Variants in LRRFIP1 observed in about 807,000 individuals in gnomAD.
The protein encoded by LRRFIP1 is leucine-rich repeat flightless-interacting protein 1.
A neutral mutation model predicts 104.4 loss-of-function variants in LRRFIP1; 62 were observed. The ratio of observed to expected loss-of-function variants is 0.59; its 90% confidence interval spans 0.48 to 0.73. The LOEUF (loss-of-function observed/expected upper bound fraction) is 0.73. LRRFIP1 is among the 30% of genes least tolerant of loss of function. LRRFIP1 has a pLI of 0.00. For synonymous variants in LRRFIP1, 300 were observed against 299.0 expected (o/e 1.00, Z -0.03); for missense variants, 796 against 824.5 (o/e 0.97, Z 0.42).
At chr2:237,750,933 G>A (rs748820782) in intron 13 of LRRFIP1, among the ~76,000 whole-genome samples, 5 of 152,098 alleles carry the variant, frequency 3.3e-5, no homozygotes, top group Non-Finnish European at 5.9e-5. Context: ...ACCGTTTTCC[G>A]AGGCTCTATT....
intron 1 of LRRFIP1, among the ~76,000 whole-genome samples, chr2:237,634,376 T>C (rs2082802186): frequency 6.6e-6 from 1 of 152,196 alleles, no homozygotes; most frequent in Admixed American, 6.5e-5. Context: ...CATTGTAGTG[T>C]GGGGCTAAAT....
chr2:237,687,116 G>A (rs1033543545), intron 1 of LRRFIP1, among the ~76,000 whole-genome samples: 2 of 152,240 alleles, frequency 1.3e-5, no homozygotes, highest in African/African-American at 2.4e-5. Context: ...ATCATGATGT[G>A]CTAAGGGCTG....
rs569176047 is a variant in LRRFIP1 at position 237,692,991 on chromosome 2, C to G, written c.97-15553C>G. 3.5e-3 allele frequency among the ~76,000 whole-genome samples: 529 copies of G among 152,272 alleles called. 2 individuals are homozygous for G. Among genetic ancestry groups the G allele is most frequent in the Non-Finnish European group, 5.3e-3 (360 of 68,008 alleles). On this transcript the variant is annotated intron_variant, in intron 1 of 23. Coordinates refer to ENST00000308482, the MANE Select transcript of LRRFIP1 (RefSeq NM_001137550.2). ...CTCAGCACCTGGGGACCACCTCCGCCGAGGACTCCAGACGCCAAATCCACT... is the reference window on the plus strand; with the variant it reads ...CTCAGCACCTGGGGACCACCTCCGCGGAGGACTCCAGACGCCAAATCCACT...
In LRRFIP1 at chr2:237,693,272, TG is replaced by T. The variant is rs2092940176; in HGVS notation, c.97-15269del. On this transcript the variant is annotated intron_variant, in intron 1 of 23. Transcript: ENST00000308482. ...AGCTTTCCACTTAATCAGGTGTTCG[TG>T]GGATCTTGGTAAAAGTATGAGCCCC... Among the ~76,000 whole-genome samples, 4 of 152,386 alleles carry T rather than the reference TG, an allele frequency of 2.6e-5. No individual in the cohort carries two copies. The South Asian group carries it at 8.3e-4, about 32-fold the overall frequency.
intron 21 of LRRFIP1, 81 bp downstream of exon 21, chr2:237,772,279 A>G: frequency 9.0e-7 from 1 of 1,106,430 alleles, no homozygotes; most frequent in Non-Finnish European, 1.4e-6. Flanking sequence ...GAAAACTGTC[A>G]CGGCAAAGAA....
At chr2:237,696,461 G>T (rs1011240180) in intron 1 of LRRFIP1, among the ~76,000 whole-genome samples, 5 of 152,098 alleles carry the variant, frequency 3.3e-5, no homozygotes, top group African/African-American at 1.2e-4. Flanking sequence ...ATACTCTTAG[G>T]TCAGTAGCTG....
At chr2:237,708,844 G>C in intron 2 of LRRFIP1, 1 of 688,194 alleles carries the variant, frequency 1.5e-6, no homozygotes, top group Non-Finnish European at 2.7e-6. Flanking sequence ...GCTGGCTCCT[G>C]AGAGGGGCTT....
At chr2:237,639,701 C>T (rs1365614414) in intron 1 of LRRFIP1, among the ~76,000 whole-genome samples, 1 of 152,214 alleles carries the variant, frequency 6.6e-6, no homozygotes, top group Non-Finnish European at 1.5e-5. Flanking sequence ...GTGATGACCA[C>T]ATGGTCTTCC....
chr2:237,727,818 T>C, intron 7 of LRRFIP1, 58 bp from the exon 8 acceptor site: 1 of 1,316,398 alleles, frequency 7.6e-7, no homozygotes, highest in South Asian at 1.2e-5. Context: ...TGCTGATTTG[T>C]ACCTGTGAAT....
At chr2:237,628,997 A>G (rs1199057901) in intron 1 of LRRFIP1, among the ~76,000 whole-genome samples, 1 of 152,190 alleles carries the variant, frequency 6.6e-6, no homozygotes, top group Non-Finnish European at 1.5e-5. Context: ...GCCCTCTCAC[A>G]TCGCACCAGG....
At chr2:237,648,106 C>T (rs756428855) in intron 1 of LRRFIP1, among the ~76,000 whole-genome samples, 1 of 151,946 alleles carries the variant, frequency 6.6e-6, no homozygotes. Context: ...GCCTTGCTTG[C>T]TTTACTTGGA....
chr2:237,645,595 G>A (rs527449009), intron 1 of LRRFIP1, among the ~76,000 whole-genome samples: 1 of 151,748 alleles, frequency 6.6e-6, no homozygotes, highest in South Asian at 2.1e-4. Flanking sequence ...ATATGCTTGG[G>A]AGATAATTCT....
intron 20 of LRRFIP1, among the ~76,000 whole-genome samples, chr2:237,770,997 T>A (rs1379135229): frequency 3.9e-5 from 6 of 152,216 alleles, no homozygotes. Context: ...TTGAAGTTCC[T>A]GTGATCTTTT....
chr2:237,666,340 A>G (rs1326867604), intron 1 of LRRFIP1, among the ~76,000 whole-genome samples: 2 of 152,268 alleles, frequency 1.3e-5, no homozygotes, highest in Non-Finnish European at 2.9e-5. Context: ...TTCTTTTAAA[A>G]TGATCAGCAG....
At chr2:237,636,720 T>G (rs1181819863) in intron 1 of LRRFIP1, among the ~76,000 whole-genome samples, 1 of 152,192 alleles carries the variant, frequency 6.6e-6, no homozygotes, top group African/African-American at 2.4e-5. Flanking sequence ...GTGACTACAA[T>G]TTGAGCAAAG....
intron 7 of LRRFIP1, among the ~76,000 whole-genome samples, chr2:237,724,713 CTT>C (rs140934970): frequency 0.013 from 2,021 of 152,256 alleles, 25 homozygotes; most frequent in African/African-American, 0.045. Flanking sequence ...GATTATTACT[CTT>C]TTTATGTTAA....
At chr2:237,701,329 G>C (rs928728018) in intron 1 of LRRFIP1, among the ~76,000 whole-genome samples, 2 of 152,228 alleles carry the variant, frequency 1.3e-5, no homozygotes, top group Admixed American at 1.3e-4. Context: ...CTGGAATTGG[G>C]GTTCAGGGTG....
In LRRFIP1 at chr2:237,681,678, C is replaced by CTTTTTTTTTTT. The variant is rs1172576547; in HGVS notation, c.97-26857_97-26847dup. 5.8e-4 allele frequency among the ~76,000 whole-genome samples: 26 copies of CTTTTTTTTTTT among 44,898 alleles called. 6 individuals are homozygous for CTTTTTTTTTTT. The highest frequency in any genetic ancestry group is 8.9e-4 in the African/African-American group (12 of 13,494). The allele number at this position is 44,898 out of a possible 152,430, so 29.5% of individuals were successfully genotyped here. On this transcript the variant is annotated intron_variant, in intron 1 of 23. Transcript: ENST00000308482. ...CACCGTGCCCGGCCGCAGTCCTATT[C>CTTTTTTTTTTT]TTTTTTTTTTTTTTTTTTTGAGACG... is the stretch of plus-strand genomic sequence containing the variant.
intron 1 of LRRFIP1, among the ~76,000 whole-genome samples, chr2:237,663,184 C>A (rs1050670448): frequency 4.6e-5 from 7 of 152,202 alleles, no homozygotes; most frequent in Non-Finnish European, 1.0e-4. Flanking sequence ...GCCTGCCCTG[C>A]ATCAGTTTAA....
Sources: allele counts gnomAD v4.1 joint callset (sites outside exome capture counted in the v4.1 genomes callset), GRCh38; gene constraint gnomAD v4.1.1; transcripts MANE v1.5; gene names NCBI Gene and HGNC (gene_info 2026-07-23, HGNC 2026-07-21).